The following SCGN variants were observed in gnomAD, a reference collection of about 807,000 sequenced individuals.
SCGN encodes secretagogin.
SCGN carries 30 observed loss-of-function variants against 39.7 expected under a neutral mutation model. That is an observed-to-expected ratio of 0.76 (90% confidence interval 0.57 to 1.03). SCGN has a LOEUF of 1.03. SCGN is among the 50% of genes least tolerant of loss of function. SCGN has a pLI of 0.00. For missense variants in SCGN, 353 were observed against 349.4 expected (o/e 1.01, Z -0.08); for synonymous variants, 106 against 114.1 (o/e 0.93, Z 0.45).
intron 2 of SCGN, among the ~76,000 whole-genome samples, chr6:25,661,072 A>T (rs1760327301): frequency 6.6e-6 from 1 of 152,144 alleles, no homozygotes; most frequent in South Asian, 2.1e-4. Context: ...CTCTTTAATT[A>T]TTTCTCCCTT....
At chr6:25,666,921 C>A (rs1472379357) in intron 4 of SCGN, among the ~76,000 whole-genome samples, 1 of 151,992 alleles carries the variant, frequency 6.6e-6, no homozygotes, top group Non-Finnish European at 1.5e-5. Context: ...CAAAACGATT[C>A]TAATTGTGTT....
At chr6:25,654,763 T>C (rs1760197153) in intron 2 of SCGN, among the ~76,000 whole-genome samples, 1 of 152,156 alleles carries the variant, frequency 6.6e-6, no homozygotes, top group Non-Finnish European at 1.5e-5. Flanking sequence ...CTTTGTCTCT[T>C]ATCTCCCTTT....
Position 25,656,861 on chromosome 6 carries a change from T to TC in SCGN, c.153+3410dup, listed in dbSNP as rs1346155350. 2.6e-5 allele frequency among the ~76,000 whole-genome samples: 4 copies of TC among 152,226 alleles called. No homozygotes were observed. In the East Asian group the frequency reaches 7.7e-4, roughly 29 times the overall value. The stretch of plus-strand genomic sequence containing the variant: ...TTTATTTACTTTAAAATCTAATTTT[T>TC]CACCAACATGACCTATGTTAGTTAA... On this transcript the variant is annotated intron_variant, in intron 2 of 10. Transcript: ENST00000377961.
At chr6:25,672,335 G>A (rs1210356219) in intron 6 of SCGN, among the ~76,000 whole-genome samples, 2 of 152,170 alleles carry the variant, frequency 1.3e-5, no homozygotes, top group African/African-American at 4.8e-5. Flanking sequence ...AATAATAAAT[G>A]TAATTAATAA....
chr6:25,660,660 C>T (rs1442437444), intron 2 of SCGN, among the ~76,000 whole-genome samples: 3 of 152,200 alleles, frequency 2.0e-5, no homozygotes, highest in African/African-American at 2.4e-5. Context: ...GAGAACTGTC[C>T]TGTACACATG....
At chr6:25,685,930 C>G (rs1012040550) in intron 7 of SCGN, among the ~76,000 whole-genome samples, 3 of 152,144 alleles carry the variant, frequency 2.0e-5, no homozygotes, top group Non-Finnish European at 4.4e-5. Context: ...CCCTGGCAAC[C>G]ACCAATCTAC....
rs745495492 is a variant in SCGN, at chr6:25,652,429, T to G, written c.26T>G (p.Leu9Arg). 4 of 1,614,120 alleles carry G rather than the reference T, an allele frequency of 2.5e-6. No individual in the cohort carries two copies. The highest frequency in any genetic ancestry group is 1.1e-5 in the South Asian group (1 of 91,082). The change falls in exon 1 of 11, where the codon CTG becomes CGG. Residue 9 changes from leucine (L) to arginine (R), a missense_variant. By Grantham distance (102) the Leu-to-Arg change is moderately radical. Coordinates refer to ENST00000377961, the MANE Select transcript of SCGN (RefSeq NM_006998.4). ...ATGGACAGCTCCCGGGAACCGACTC[T>G]GGGGCGCTTGGACGCCGCTGGCTTC... is the stretch of plus-strand genomic sequence containing the variant. The part of the protein sequence containing the change: MDSSREPT[L>R]GRLDAAGFWQ...
intron 10 of SCGN, among the ~76,000 whole-genome samples, chr6:25,698,916 T>C (rs1395019292): frequency 6.6e-6 from 1 of 152,226 alleles, no homozygotes; most frequent in East Asian, 1.9e-4. Context: ...AAACCTGCTA[T>C]CAATAATAGA....
In SCGN at chr6:25,665,054, T is replaced by C. The variant is rs757443156; in HGVS notation, c.336+22T>C. The C allele has an allele frequency of 6.3e-6, 10 of 1,580,828 alleles. No homozygotes were observed. The East Asian group carries it at 2.0e-4, about 32-fold the overall frequency. Reference sequence around the variant, plus strand: ...GCAGGTGAGTGCTTGGTTGTGTCTCTGTGAAGAAAGAGGACTGAGACAAGG... The same window carrying C: ...GCAGGTGAGTGCTTGGTTGTGTCTCCGTGAAGAAAGAGGACTGAGACAAGG... On this transcript the variant is annotated intron_variant, in intron 4 of 10. Transcript: ENST00000377961.
chr6:25,655,594 G>A (rs895779075), intron 2 of SCGN, among the ~76,000 whole-genome samples: 55 of 152,172 alleles, frequency 3.6e-4, no homozygotes, highest in African/African-American at 1.1e-3. Context: ...CTCTGAGGCT[G>A]GAACGGGGGT....
chr6:25,685,453 T>C (rs1306148659), intron 7 of SCGN, among the ~76,000 whole-genome samples: 1 of 152,168 alleles, frequency 6.6e-6, no homozygotes, highest in Non-Finnish European at 1.5e-5. Context: ...CTAAGAACAA[T>C]ATTCCTGGCA....
chr6:25,674,162 G>A (rs1300924766), intron 6 of SCGN, among the ~76,000 whole-genome samples: 1 of 152,166 alleles, frequency 6.6e-6, no homozygotes, highest in Non-Finnish European at 1.5e-5. Flanking sequence ...TTCAACATGA[G>A]ATTTAGAGGA....
chr6:25,699,818 T>C (rs1759886059), intron 10 of SCGN, among the ~76,000 whole-genome samples: 1 of 152,100 alleles, frequency 6.6e-6, no homozygotes, highest in South Asian at 2.1e-4. Context: ...CCTGATTGGT[T>C]AATTTAACTG....
At chr6:25,682,809 G>C (rs897570022) in intron 7 of SCGN, among the ~76,000 whole-genome samples, 1 of 152,204 alleles carries the variant, frequency 6.6e-6, no homozygotes, top group South Asian at 2.1e-4. Context: ...CTGGAGGCAA[G>C]TTTTTAATGA....
At chr6:25,667,470 A>G (rs561560123) in intron 4 of SCGN, among the ~76,000 whole-genome samples, 34 of 152,306 alleles carry the variant, frequency 2.2e-4, no homozygotes, top group African/African-American at 7.7e-4. Flanking sequence ...CCCCTGAACC[A>G]CAGGGTCTTA....
At chr6:25,695,910 G>A (rs1467021178) in intron 10 of SCGN, among the ~76,000 whole-genome samples, 1 of 152,186 alleles carries the variant, frequency 6.6e-6, no homozygotes, top group African/African-American at 2.4e-5. Flanking sequence ...AAATGAGAAA[G>A]TAGAATGGCA....
intron 7 of SCGN, 93 bp downstream of exon 7, chr6:25,682,099 C>T: frequency 1.1e-6 from 1 of 927,368 alleles, no homozygotes; most frequent in Non-Finnish European, 1.7e-6. Flanking sequence ...GGAGATCAAG[C>T]CTCACCTGGA....
chr6:25,701,275 G>A lies in SCGN; in HGVS notation c.771G>A (p.Lys257=), dbSNP rs1309292109. The part of the protein sequence containing the change: ...EILLRHCDVN[K]DGKIQKSELA... Reference sequence around the variant, plus strand: ...TCCTGCGTCACTGCGACGTGAACAAGGATGGAAAAATTCAGAAGTCTGAGC... The same window carrying A: ...TCCTGCGTCACTGCGACGTGAACAAAGATGGAAAAATTCAGAAGTCTGAGC... The change falls in exon 11 of 11, where the codon AAG becomes AAA. Residue 257 remains lysine, a synonymous_variant. Coordinates refer to ENST00000377961, the MANE Select transcript of SCGN (RefSeq NM_006998.4). The A allele has an allele frequency of 1.9e-6, 3 of 1,613,676 alleles. No homozygotes were observed. The highest frequency in any genetic ancestry group is 2.2e-5 in the East Asian group (1 of 44,836).
chr6:25,670,945 C>T (rs1042882776), intron 6 of SCGN, among the ~76,000 whole-genome samples: 10 of 152,204 alleles, frequency 6.6e-5, no homozygotes, highest in Non-Finnish European at 1.0e-4. Context: ...GTGCTTCATT[C>T]CTATCAAAAT....
Sources: allele counts gnomAD v4.1 joint callset (sites outside exome capture counted in the v4.1 genomes callset), GRCh38; gene constraint gnomAD v4.1.1; transcripts MANE v1.5; gene names NCBI Gene and HGNC (gene_info 2026-07-23, HGNC 2026-07-21).